Variants in C14orf180 observed in about 807,000 individuals in gnomAD.
C14orf180 encodes the protein chromosome 14 open reading frame 180.
In C14orf180, 13 loss-of-function variants were observed where a neutral mutation model predicts 13.9. That is an observed-to-expected ratio of 0.94 (90% CI 0.61 to 1.49). The LOEUF (loss-of-function observed/expected upper bound fraction) is 1.49, where lower values mean the gene tolerates loss of function less well. C14orf180 is among the 40% of genes most tolerant of loss of function. C14orf180 has a pLI of 0.00. For missense variants in C14orf180, 238 were observed against 232.0 expected, an observed-to-expected ratio of 1.03 and a Z score of -0.17; for synonymous variants, 113 against 106.3, an observed-to-expected ratio of 1.06 and a Z score of -0.39.
intron 4 of C14orf180, 48 bp from the exon 5 acceptor site, chr14:104,588,530 G>A (rs1005725832): frequency 1.4e-6 from 2 of 1,444,848 alleles, no homozygotes; most frequent in South Asian, 1.4e-5. Flanking sequence ...GTCCTCCAGG[G>A]AAGGGTCGCG....
intron 1 of C14orf180, among the ~76,000 whole-genome samples, chr14:104,585,353 C>T (rs1886580113): frequency 6.6e-6 from 1 of 152,208 alleles, no homozygotes. Context: ...AGGCTCATCA[C>T]CCCCAGAGCC....
intron 2 of C14orf180, 67 bp downstream of exon 2, chr14:104,586,608 G>A: frequency 1.0e-6 from 1 of 986,770 alleles, no homozygotes. Flanking sequence ...AGGGGGCAGG[G>A]AGCAACAGAC....
rs1044188020 is a variant in C14orf180, at chr14:104,579,796, C to A, written c.-224C>A. On this transcript the variant is annotated 5_prime_UTR_variant, in exon 1 of 5. Transcript: ENST00000557649. ...ACCCGGCCCTGCCAGCGGGCGGTGG[C>A]GCCTCCAGATCAGAGCCCTCGGGAA... 1 of 152,314 alleles carries A rather than the reference C, an allele frequency of 6.6e-6. No homozygotes were observed. The highest frequency in any genetic ancestry group is 1.5e-5 in the Non-Finnish European group (1 of 68,122). The allele number at this position is 152,314 out of a possible 1,614,324, so 9.4% of individuals were successfully genotyped here. A position where few individuals can be genotyped will look rare whatever the true frequency, so the allele number is the denominator to read the frequency against.
intron 1 of C14orf180, among the ~76,000 whole-genome samples, chr14:104,580,949 G>A (rs925850459): frequency 4.6e-5 from 7 of 152,364 alleles, no homozygotes; most frequent in Admixed American, 1.3e-4. Context: ...ACCTCGGGAT[G>A]TGAGGGCCCA....
At chr14:104,582,003 G>A (rs1224192680) in intron 1 of C14orf180, among the ~76,000 whole-genome samples, 2 of 152,186 alleles carry the variant, frequency 1.3e-5, no homozygotes, top group Admixed American at 6.5e-5. Flanking sequence ...GGGGCCGCAC[G>A]CTCAGAGCCG....
chr14:104,586,450 C>G lies in C14orf180; in HGVS notation c.20C>G (p.Ala7Gly), dbSNP rs1463986198. Reference protein sequence around the residue: MRTAAGAVSPDSRPETR... With the variant: MRTAAGGVSPDSRPETR... ...CAGTAAATGAGGACTGCAGCAGGAGCCGTGAGCCCTGACTCCCGGCCAGAG... is the reference window on the plus strand; with the variant it reads ...CAGTAAATGAGGACTGCAGCAGGAGGCGTGAGCCCTGACTCCCGGCCAGAG... The change falls in exon 2 of 5, where the codon GCC (alanine) becomes GGC (glycine). Residue 7 changes from alanine (A) to glycine (G), a missense_variant. Coordinates refer to ENST00000557649, the MANE Select transcript of C14orf180 (RefSeq NM_001008404.3). 69 of 1,541,390 alleles carry G rather than the reference C, an allele frequency of 4.5e-5. 1 individual carries two copies. In the Middle Eastern group the frequency reaches 8.7e-4, roughly 19 times the overall value.
chr14:104,582,769 G>A (rs571612215), intron 1 of C14orf180, among the ~76,000 whole-genome samples: 19 of 152,278 alleles, frequency 1.2e-4, no homozygotes, highest in Middle Eastern at 3.4e-3. Flanking sequence ...GGGTGGACGC[G>A]CCCTCCCCAG....
chr14:104,587,843 T>G lies in C14orf180; in HGVS notation c.206T>G (p.Val69Gly). The change falls in exon 3 of 5, where the codon GTG becomes GGG. Residue 69 changes from valine (V) to glycine (G), a missense_variant. Coordinates refer to ENST00000557649, the MANE Select transcript of C14orf180 (RefSeq NM_001008404.3). ...EAKPQRTSRR[V>G]WFREPPAVTV... ...AAGCCCCAGAGGACCTCGAGGCGCG[T>G]GTGGTTCCGAGAACCCCCAGCGGTG... is the stretch of plus-strand genomic sequence containing the variant. The G allele has an allele frequency of 1.2e-6, 2 of 1,610,920 alleles. No individual in the cohort carries two copies. The highest frequency in any genetic ancestry group is 1.7e-6 in the Non-Finnish European group (2 of 1,179,008).
intron 1 of C14orf180, among the ~76,000 whole-genome samples, chr14:104,584,716 A>AC (rs1057511356): frequency 1.4e-4 from 21 of 150,398 alleles, no homozygotes; most frequent in South Asian, 4.2e-4. Flanking sequence ...CCTCCCCGCC[A>AC]CCCCCCTGGA....
chr14:104,583,433 C>T (rs1886505820), intron 1 of C14orf180, among the ~76,000 whole-genome samples: 1 of 152,192 alleles, frequency 6.6e-6, no homozygotes, highest in Admixed American at 6.5e-5. Flanking sequence ...AGGCTTGGTG[C>T]GGACTCGGGT....
intron 2 of C14orf180, among the ~76,000 whole-genome samples, chr14:104,587,240 C>G (rs1485082444): frequency 6.6e-6 from 1 of 152,156 alleles, no homozygotes; most frequent in African/African-American, 2.4e-5. Flanking sequence ...AGAAAGGGCC[C>G]AGGTAGGCAA....
chr14:104,586,642 A>C, intron 2 of C14orf180, 101 bp downstream of exon 2: 2 of 339,578 alleles, frequency 5.9e-6, no homozygotes, highest in Non-Finnish European at 9.7e-6. Context: ...CCTCCACCCC[A>C]GGAATCAGGG....
In C14orf180 at chr14:104,588,733, C is replaced by A; in HGVS notation, c.433C>A (p.His145Asn). ...LRARLLGLVL[H>N]LRHVALTCWR... ...GGCCCGGCTCCTCGGCCTTGTCCTG[C>A]ACCTGCGGCACGTGGCCCTCACCTG... The change falls in exon 5 of 5, where the codon CAC becomes AAC. Residue 145 changes from histidine (H) to asparagine (N), a missense_variant. By Grantham distance (68) the His-to-Asn change is moderately conservative (BLOSUM62 1). Transcript: ENST00000557649. 6.5e-7 allele frequency: 1 copy of A among 1,535,798 alleles called. No homozygotes were observed. Among genetic ancestry groups the A allele is most frequent in the Non-Finnish European group, 8.7e-7 (1 of 1,146,444 alleles).
intron 2 of C14orf180, 40 bp downstream of exon 2, chr14:104,586,581 C>T (rs375850837): frequency 4.2e-4 from 561 of 1,351,800 alleles, no homozygotes; most frequent in South Asian, 1.0e-3. Context: ...GCAAGCTGGC[C>T]TTCCACTGGG....
At position 104,589,956 on chromosome 14, in the gene C14orf180, C is replaced by G. The variant is rs1352791542; in HGVS notation, c.*1173C>G. On this transcript the variant is annotated 3_prime_UTR_variant, in exon 5 of 5. Coordinates refer to ENST00000557649, the MANE Select transcript of C14orf180 (RefSeq NM_001008404.3). The surrounding 1 kb of genome is among the most constrained non-coding windows in gnomAD (Gnocchi z 4.9). ...GCGCCTGGAACCTCCCCATCTCCTG[C>G]AGGCCTGGGAGTGGATGTGTCCACT... is the stretch of plus-strand genomic sequence containing the variant. The G allele has an allele frequency of 6.6e-6, 1 of 152,226 alleles. No homozygotes were observed. The highest frequency in any genetic ancestry group is 1.5e-5 in the Non-Finnish European group (1 of 68,064). 9.4% of individuals were successfully genotyped at this position (152,226 alleles called of 1,614,324 possible).
At position 104,588,798 on chromosome 14, in the gene C14orf180, AGGAC is replaced by A; in HGVS notation, c.*18_*21del. Reference sequence around the variant, plus strand: ...TGCGGCTCTGACGGGCAGGACGGGCAGGACGGGCAGGGCTTCCAGGAGAGCTCAA... The same window carrying A: ...TGCGGCTCTGACGGGCAGGACGGGCAGGGCAGGGCTTCCAGGAGAGCTCAA... On this transcript the variant is annotated 3_prime_UTR_variant, in exon 5 of 5. Coordinates refer to ENST00000557649, the MANE Select transcript of C14orf180 (RefSeq NM_001008404.3). 6 of 1,532,622 alleles carry A rather than the reference AGGAC, an allele frequency of 3.9e-6. No homozygotes were observed. The highest frequency in any genetic ancestry group is 5.2e-6 in the Non-Finnish European group (6 of 1,145,100). 94.9% of individuals were successfully genotyped at this position (1,532,622 alleles called of 1,614,324 possible). A position where few individuals can be genotyped will look rare whatever the true frequency, so the allele number is the denominator to read the frequency against.
Position 104,588,556 on chromosome 14 carries a change from C to G in C14orf180, c.278-22C>G, listed in dbSNP as rs1415808843. The G allele has an allele frequency of 1.6e-5, 23 of 1,440,746 alleles. No individual in the cohort carries two copies. The South Asian group carries it at 3.1e-4, about 19-fold the overall frequency. The allele number at this position is 1,440,746 out of a possible 1,614,324, so 89.2% of individuals were successfully genotyped here. ...AAGGGTCGCGCTGGCTGGCGCTGAC[C>G]CTGCCTGCCCTCTGGCCGCAGTGCC... On this transcript the variant is annotated intron_variant, in intron 4 of 4. Coordinates refer to ENST00000557649, the MANE Select transcript of C14orf180 (RefSeq NM_001008404.3).
chr14:104,585,375 GACACCTGC>G (rs1233203641), intron 1 of C14orf180, among the ~76,000 whole-genome samples: 1 of 152,214 alleles, frequency 6.6e-6, no homozygotes, highest in African/African-American at 2.4e-5. Context: ...TTGAAAGGCA[GACACCTGC>G]ACCTGCACAG....
At chr14:104,581,316 T>G (rs1886423898) in intron 1 of C14orf180, 1 of 152,212 alleles carries the variant, frequency 6.6e-6, no homozygotes, top group Non-Finnish European at 1.5e-5. Context: ...CCAGGGCCAT[T>G]GGGTTAGGCC....
Sources: allele counts gnomAD v4.1 joint callset (sites outside exome capture counted in the v4.1 genomes callset), GRCh38; gene constraint gnomAD v4.1.1; non-coding constraint Gnocchi (gnomAD v3.1); transcripts MANE v1.5; gene names NCBI Gene and HGNC (gene_info 2026-07-23, HGNC 2026-07-21).